LIPC: variants seen among roughly 807,000 people sequenced by gnomAD.
The protein encoded by LIPC is lipase C, hepatic type.
A neutral mutation model predicts 50.7 loss-of-function variants in LIPC; 44 were observed. The ratio of observed to expected loss-of-function variants is 0.87; its 90% CI spans 0.68 to 1.11. LIPC has a LOEUF of 1.11. Ranked by LOEUF, LIPC falls within the 50% of genes most tolerant of loss-of-function variation. LIPC has a pLI of 0.00. For missense variants in LIPC, 697 were observed against 648.2 expected, an observed-to-expected ratio of 1.08 and a Z score of -0.82; for synonymous variants, 271 against 256.4, an observed-to-expected ratio of 1.06 and a Z score of -0.54.
rs1218950641 is a variant in LIPC at position 58,524,913 on chromosome 15, G to C, written c.89-13420G>C. ...TTTTAATTTAGTTGGTCATACAGAAGTTTTTTGTTTGCTTTAATGTAGTCT... is the reference window on the plus strand; with the variant it reads ...TTTTAATTTAGTTGGTCATACAGAACTTTTTTGTTTGCTTTAATGTAGTCT... On this transcript the variant is annotated intron_variant, in intron 1 of 8. Transcript: ENST00000299022. Among the ~76,000 whole-genome samples, 4 of 152,016 alleles carry C rather than the reference G, an allele frequency of 2.6e-5. No homozygotes were observed. In the East Asian group the frequency reaches 7.7e-4, roughly 29 times the overall value.
intron 1 of LIPC, among the ~76,000 whole-genome samples, chr15:58,507,719 C>T (rs1233607876): frequency 6.6e-6 from 1 of 152,190 alleles, no homozygotes; most frequent in Non-Finnish European, 1.5e-5. Context: ...CCCCTTTGCC[C>T]TCTGAAAGCT....
intron 1 of LIPC, among the ~76,000 whole-genome samples, chr15:58,515,314 C>A (rs762352923): frequency 1.3e-5 from 2 of 152,138 alleles, no homozygotes; most frequent in African/African-American, 4.8e-5. Flanking sequence ...CTACCATAAA[C>A]TGGATCCTGT....
chr15:58,486,495 C>A (rs566439296), intron 1 of LIPC, among the ~76,000 whole-genome samples: 2 of 152,332 alleles, frequency 1.3e-5, no homozygotes, highest in South Asian at 4.1e-4. Context: ...GTAGTTATGA[C>A]CCTCTGAGAT....
chr15:58,490,037 A>G (rs1049100094), intron 1 of LIPC, among the ~76,000 whole-genome samples: 5 of 152,112 alleles, frequency 3.3e-5, no homozygotes, highest in Non-Finnish European at 7.4e-5. Flanking sequence ...GGCCTTAGGC[A>G]TATTCTAGGT....
rs201880438 is a variant in LIPC at position 58,524,525 on chromosome 15, T to C, written c.89-13808T>C. On this transcript the variant is annotated intron_variant, in intron 1 of 8. Coordinates refer to ENST00000299022, the MANE Select transcript of LIPC (RefSeq NM_000236.3). ...ATAGCTGTTGCCAAATCCCTCTCCA[T>C]TGGAGTTGCACCATTTTGCATTCCT... Among the ~76,000 whole-genome samples the C allele has an allele frequency of 3.9e-5, 6 of 152,372 alleles. No homozygotes were observed. In the East Asian group the frequency reaches 9.6e-4, roughly 24 times the overall value.
intron 2 of LIPC, among the ~76,000 whole-genome samples, chr15:58,539,756 T>A (rs1395243471): frequency 6.6e-6 from 1 of 152,096 alleles, no homozygotes; most frequent in Non-Finnish European, 1.5e-5. Context: ...ATTAATAGCT[T>A]CCTCCACACC....
chr15:58,495,146 G>A (rs1168813057), intron 1 of LIPC, among the ~76,000 whole-genome samples: 1 of 152,130 alleles, frequency 6.6e-6, no homozygotes, highest in African/African-American at 2.4e-5. Flanking sequence ...GAAGAGCACT[G>A]GACTACGCAT....
At chr15:58,449,262 C>T (rs774039821) in intron 1 of LIPC, among the ~76,000 whole-genome samples, 8 of 152,160 alleles carry the variant, frequency 5.3e-5, no homozygotes, top group Non-Finnish European at 8.8e-5. Context: ...TGGCAGCCAT[C>T]GATTAGGACT....
At chr15:58,509,694 T>G (rs887933688) in intron 1 of LIPC, among the ~76,000 whole-genome samples, 14 of 152,282 alleles carry the variant, frequency 9.2e-5, no homozygotes, top group Non-Finnish European at 1.8e-4. Flanking sequence ...GCCACATCAT[T>G]TACATGGATG....
chr15:58,464,662 G>A (rs1259932586), intron 1 of LIPC, among the ~76,000 whole-genome samples: 1 of 152,066 alleles, frequency 6.6e-6, no homozygotes, highest in Non-Finnish European at 1.5e-5. Flanking sequence ...AATTTCAGTG[G>A]CTTGACCACA....
chr15:58,535,048 C>G (rs1475189362), intron 1 of LIPC, among the ~76,000 whole-genome samples: 1 of 152,188 alleles, frequency 6.6e-6, no homozygotes, highest in Non-Finnish European at 1.5e-5. Context: ...GCACCAGAGC[C>G]CCACTTTCTT....
chr15:58,477,004 T>C (rs1462788007), intron 1 of LIPC, among the ~76,000 whole-genome samples: 1 of 152,204 alleles, frequency 6.6e-6, no homozygotes, highest in Admixed American at 6.5e-5. Context: ...TGCACCACCA[T>C]GGTGTTAAGC....
chr15:58,544,175 G>A (rs2140918031), intron 4 of LIPC, among the ~76,000 whole-genome samples: 1 of 152,180 alleles, frequency 6.6e-6, no homozygotes, highest in East Asian at 1.9e-4. Flanking sequence ...CACTGAAGAA[G>A]CAGGGCCAGA....
Position 58,567,214 on chromosome 15 carries a change from A to ATAT in LIPC, c.1389-1502_1389-1501insTAT, listed in dbSNP as rs1555408053. Among the ~76,000 whole-genome samples the ATAT allele has an allele frequency of 1.9e-3, 261 of 136,738 alleles. 8 individuals carry two copies. The highest frequency in any genetic ancestry group is 5.5e-3 in the African/African-American group (202 of 36,842). The allele number at this position is 136,738 out of a possible 152,430, so 89.7% of individuals were successfully genotyped here. ...AGACTCCGTCTCAAAAAAAATAAAAAATATATATATATATATGTATATATG... is the reference window on the plus strand; with the variant it reads ...AGACTCCGTCTCAAAAAAAATAAAAATATATATATATATATATATGTATATATG... On this transcript the variant is annotated intron_variant, in intron 8 of 8. Coordinates refer to ENST00000299022, the MANE Select transcript of LIPC (RefSeq NM_000236.3).
intron 1 of LIPC, among the ~76,000 whole-genome samples, chr15:58,468,562 A>C (rs1894661000): frequency 6.6e-6 from 1 of 152,184 alleles, no homozygotes; most frequent in Non-Finnish European, 1.5e-5. Flanking sequence ...CACAAATCTC[A>C]ATGTGATTCC....
intron 1 of LIPC, among the ~76,000 whole-genome samples, chr15:58,460,099 G>C (rs1485343409): frequency 6.6e-6 from 1 of 152,216 alleles, no homozygotes; most frequent in Non-Finnish European, 1.5e-5. Flanking sequence ...GTAGGGCTCT[G>C]CTCTGAAAGT....
chr15:58,443,468 GCACAGCC>G (rs1893574348), intron 1 of LIPC, among the ~76,000 whole-genome samples: 1 of 152,142 alleles, frequency 6.6e-6, no homozygotes, highest in Non-Finnish European at 1.5e-5. Flanking sequence ...CCCATAGAAG[GCACAGCC>G]CTGTGATGTC....
intron 1 of LIPC, among the ~76,000 whole-genome samples, chr15:58,473,446 G>A (rs1488540862): frequency 1.2e-4 from 19 of 152,142 alleles, no homozygotes; most frequent in Non-Finnish European, 2.2e-4. Flanking sequence ...CTTCCTGTGC[G>A]ATTAACAAGA....
At chr15:58,470,895 T>C (rs1459955716) in intron 1 of LIPC, among the ~76,000 whole-genome samples, 2 of 152,136 alleles carry the variant, frequency 1.3e-5, no homozygotes, top group Non-Finnish European at 2.9e-5. Flanking sequence ...TATGAGTAGA[T>C]AGAGGAAGAC....
Sources: gnomAD v4.1 joint callset for allele counts (sites outside exome capture counted in the v4.1 genomes callset) on GRCh38, gnomAD v4.1.1 for gene constraint, MANE v1.5 for transcripts, NCBI Gene and HGNC (gene_info 2026-07-23, HGNC 2026-07-21) for gene names.